SLC39A14: variants seen among roughly 807,000 people sequenced by gnomAD.
The protein encoded by SLC39A14 is metal cation symporter ZIP14.
In SLC39A14, 19 loss-of-function variants were observed where a neutral mutation model predicts 45.5. The observed-to-expected ratio is 0.42, with a 90% confidence interval of 0.29 to 0.61. The LOEUF is 0.61. Among genes scored for constraint, SLC39A14 ranks in the 20% least tolerant of loss-of-function variants. The pLI, the probability that SLC39A14 is intolerant of heterozygous loss-of-function variation, is 0.22. For synonymous variants in SLC39A14, 264 were observed against 251.3 expected (o/e 1.05, Z -0.48); for missense variants, 447 against 616.5 (o/e 0.73, Z 2.91).
rs2132386364 is a variant in SLC39A14 at position 22,421,181 on chromosome 8, T to G, written c.*1483T>G. On this transcript the variant is annotated 3_prime_UTR_variant, in exon 9 of 9. Transcript: ENST00000381237. ...CCACAGTTGGAGCCCAGGGGCCATG[T>G]TTGCAAACTGATTCATGTGCATGGC... 1 of 985,864 alleles carries G rather than the reference T, an allele frequency of 1.0e-6. No individual in the cohort carries two copies. The highest frequency in any genetic ancestry group is 4.7e-5 in the South Asian group (1 of 21,292). The allele number at this position is 985,864 out of a possible 1,614,324, so 61.1% of individuals were successfully genotyped here.
Position 22,422,188 on chromosome 8 carries a change from T to A in SLC39A14, c.*2490T>A. ...CCTGGCATTAGCAGCTTCGACCTCA[T>A]TTTCCAGATGCACCAGCTCCTATTA... On this transcript the variant is annotated 3_prime_UTR_variant, in exon 9 of 9. Transcript: ENST00000381237. 1 of 985,304 alleles carries A rather than the reference T, an allele frequency of 1.0e-6. No individual in the cohort carries two copies. Among genetic ancestry groups the A allele is most frequent in the Non-Finnish European group, 1.2e-6 (1 of 829,766 alleles). 61.0% of individuals were successfully genotyped at this position (985,304 alleles called of 1,614,324 possible). A position where few individuals can be genotyped will look rare whatever the true frequency, so the allele number is the denominator to read the frequency against.
At chr8:22,406,608 C>T (rs867292557) in intron 2 of SLC39A14, among the ~76,000 whole-genome samples, 129 of 152,280 alleles carry the variant, frequency 8.5e-4, no homozygotes, top group African/African-American at 2.4e-3. Context: ...AGGAGAATTG[C>T]TTGAGCCCAG....
chr8:22,423,956 C>T (rs1251878043), downstream of SLC39A14, among the ~76,000 whole-genome samples: 2 of 149,954 alleles, frequency 1.3e-5, no homozygotes, highest in Non-Finnish European at 2.9e-5. Flanking sequence ...GAGGCGAGCA[C>T]TACCATGCCT....
At chr8:22,397,670 C>G (rs1438320794) in intron 1 of SLC39A14, among the ~76,000 whole-genome samples, 1 of 152,150 alleles carries the variant, frequency 6.6e-6, no homozygotes, top group Non-Finnish European at 1.5e-5. Context: ...GGGTTTTTCC[C>G]TACGCCTGGG....
chr8:22,393,370 TAGG>T (rs879400237), intron 1 of SLC39A14: 14,695 of 365,452 alleles, frequency 0.04, 386 homozygotes, highest in Non-Finnish European at 0.05. Context: ...GGTGTCAGCC[TAGG>T]TCAGCTTGTC....
At chr8:22,409,017 C>T (rs10090885) in intron 3 of SLC39A14, among the ~76,000 whole-genome samples, 60,856 of 151,842 alleles carry the variant, frequency 0.4, 12,915 homozygotes, top group East Asian at 0.61. Context: ...GACACGGTCT[C>T]ACTATGTTAC....
At chr8:22,412,816 C>T (rs950917139) in intron 4 of SLC39A14, among the ~76,000 whole-genome samples, 10 of 152,190 alleles carry the variant, frequency 6.6e-5, no homozygotes, top group South Asian at 2.1e-4. Context: ...TGGTAGCGCA[C>T]GCCTGTAATC....
intron 1 of SLC39A14, among the ~76,000 whole-genome samples, chr8:22,381,591 G>T (rs1036680712): frequency 6.6e-6 from 1 of 152,166 alleles, no homozygotes; most frequent in African/African-American, 2.4e-5. Flanking sequence ...TTAAATGCAA[G>T]AAAACACGGC....
At chr8:22,370,466 C>T (rs1019989552) in intron 1 of SLC39A14, among the ~76,000 whole-genome samples, 2 of 152,194 alleles carry the variant, frequency 1.3e-5, no homozygotes, top group African/African-American at 4.8e-5. Flanking sequence ...CTGAGCCCCA[C>T]AACCATGGAA....
At chr8:22,428,592 G>A (rs924345927) in intron 8 of SLC39A14, among the ~76,000 whole-genome samples, 3 of 151,594 alleles carry the variant, frequency 2.0e-5, no homozygotes, top group Non-Finnish European at 2.9e-5. Context: ...ACAGGCGCAT[G>A]CCACCACACC....
intron 1 of SLC39A14, among the ~76,000 whole-genome samples, chr8:22,401,546 T>TTTTTC (rs1469486368): frequency 4.0e-5 from 5 of 126,478 alleles, no homozygotes; most frequent in Admixed American, 7.6e-5. Flanking sequence ...TCTCTTTCTT[T>TTTTTC]TTTTTTTTTT....
intron 1 of SLC39A14, among the ~76,000 whole-genome samples, chr8:22,380,026 A>C (rs1001612783): frequency 1.3e-5 from 2 of 152,210 alleles, no homozygotes; most frequent in Admixed American, 6.5e-5. Flanking sequence ...AAATTATTAC[A>C]TACCATTTAC....
rs141367955 is a variant in SLC39A14 at position 22,399,463 on chromosome 8, C to T, written c.-15-5233C>T. On this transcript the variant is annotated intron_variant, in intron 1 of 8. Transcript: ENST00000381237. ...GCTCCTAGATCCTCCCCAACCCTTGCGGGTGAGTGCATGTCTCAAGCGCTG... is the reference window on the plus strand; with the variant it reads ...GCTCCTAGATCCTCCCCAACCCTTGTGGGTGAGTGCATGTCTCAAGCGCTG... Among the ~76,000 whole-genome samples, 7 of 152,236 alleles carry T rather than the reference C, an allele frequency of 4.6e-5. No homozygotes were observed. The East Asian group carries it at 1.2e-3, about 25-fold the overall frequency.
chr8:22,394,820 A>G (rs1834292151), intron 1 of SLC39A14, among the ~76,000 whole-genome samples: 1 of 151,992 alleles, frequency 6.6e-6, no homozygotes, highest in Non-Finnish European at 1.5e-5. Flanking sequence ...TGTTGTCTTT[A>G]CCAAATTGTG....
chr8:22,407,326 G>A (rs1203808948), intron 2 of SLC39A14, among the ~76,000 whole-genome samples: 1 of 152,174 alleles, frequency 6.6e-6, no homozygotes, highest in Non-Finnish European at 1.5e-5. Context: ...TACGAAGCTT[G>A]TATCTTCAGG....
chr8:22,390,254 G>A (rs1833994708), intron 1 of SLC39A14: 1 of 151,640 alleles, frequency 6.6e-6, no homozygotes, highest in South Asian at 2.1e-4. Flanking sequence ...AGATTCCCTT[G>A]TATGTGGTCA....
chr8:22,397,534 C>T (rs1436097710), intron 1 of SLC39A14, among the ~76,000 whole-genome samples: 4 of 151,858 alleles, frequency 2.6e-5, no homozygotes, highest in Non-Finnish European at 5.9e-5. Flanking sequence ...GCCGAGATAG[C>T]GCCGCTGCAC....
rs76596209 is a variant in SLC39A14, at chr8:22,390,942, A to G, written c.-15-13754A>G. On this transcript the variant is annotated intron_variant, in intron 1 of 8. Coordinates refer to ENST00000381237, the MANE Select transcript of SLC39A14 (RefSeq NM_001128431.4). ...CCTTCCGGAGGGTGGATCCTGGGAC[A>G]TGCATTTCCCTGGTGTGGCTCATGG... 6.9e-3 allele frequency among the ~76,000 whole-genome samples: 1,048 copies of G among 152,180 alleles called. 22 individuals carry two copies. In the East Asian group the frequency reaches 0.077, roughly 11 times the overall value.
chr8:22,417,777 C>T lies in SLC39A14; in HGVS notation c.1274C>T (p.Ala425Val). ...ATCCTGGCCGGCAGCCACTTCTCTGCCAACTGGATTTTTGCGCTAGCTGGA... is the reference window on the plus strand; with the variant it reads ...ATCCTGGCCGGCAGCCACTTCTCTGTCAACTGGATTTTTGCGCTAGCTGGA... ...FGILAGSHFS[A>V]NWIFALAGGM... Residue 425 changes from alanine (A) to valine (V), a missense_variant, in exon 8 of 9, where the codon GCC (alanine) becomes GTC (valine). Around this residue, in one of 2 missense-constraint regions of SLC39A14, gnomAD observed 105 missense variants for 188.4 expected, o/e 0.56. Transcript: ENST00000381237. 1 of 1,614,216 alleles carries T rather than the reference C, an allele frequency of 6.2e-7. No individual in the cohort carries two copies. Among genetic ancestry groups the T allele is most frequent in the African/African-American group, 1.3e-5 (1 of 75,066 alleles).
Sources: allele counts gnomAD v4.1 joint callset (sites outside exome capture counted in the v4.1 genomes callset), GRCh38; gene constraint gnomAD v4.1.1; regional missense constraint gnomAD v4.1.1; transcripts MANE v1.5; gene names NCBI Gene and HGNC (gene_info 2026-07-23, HGNC 2026-07-21).